Variants in LRRC75A observed in about 807,000 individuals in gnomAD.
The protein encoded by LRRC75A is leucine-rich repeat-containing protein 75A.
In LRRC75A, 12 loss-of-function variants were observed where a neutral mutation model predicts 26.0. The ratio of observed to expected loss-of-function variants is 0.46; its 90% CI spans 0.30 to 0.75. LRRC75A has a LOEUF of 0.75. LRRC75A is among the 30% of genes least tolerant of loss of function. The probability of loss-of-function intolerance (pLI) is 0.08; values close to 1 mark genes in which losing one functional copy is unlikely to be tolerated. For missense variants in LRRC75A, 410 were observed against 486.6 expected (o/e 0.84, Z 1.48); for synonymous variants, 223 against 219.3 (o/e 1.02, Z -0.15).
chr17:16,460,268 G>C (rs2093717438), intron 2 of LRRC75A, among the ~76,000 whole-genome samples: 1 of 152,156 alleles, frequency 6.6e-6, no homozygotes, highest in Non-Finnish European at 1.5e-5. Flanking sequence ...AAGCCACCCA[G>C]TCTACGATAA....
intron 1 of LRRC75A, among the ~76,000 whole-genome samples, chr17:16,482,850 T>C (rs1431521462): frequency 6.6e-6 from 1 of 152,246 alleles, no homozygotes; most frequent in African/African-American, 2.4e-5. Context: ...CAGGGACGTA[T>C]GCTGAGTGAA....
chr17:16,443,511 A>G lies in LRRC75A; in HGVS notation c.*77T>C, dbSNP rs2093551810. 8 of 1,349,142 alleles carry G rather than the reference A, an allele frequency of 5.9e-6. No individual in the cohort carries two copies. In the South Asian group the frequency reaches 1.2e-4, roughly 21 times the overall value. 83.6% of individuals were successfully genotyped at this position (1,349,142 alleles called of 1,614,324 possible). On this transcript the variant is annotated 3_prime_UTR_variant, in exon 4 of 4. Coordinates refer to ENST00000470794, the MANE Select transcript of LRRC75A (RefSeq NM_001113567.3). Reference sequence around the variant, plus strand: ...TGGCAATATCCTTAACCCACCTGATAGGAGAAGCGCCCTCCCCTGCCTGCC... The same window carrying G: ...TGGCAATATCCTTAACCCACCTGATGGGAGAAGCGCCCTCCCCTGCCTGCC...
At chr17:16,454,070 T>C (rs2093656810) in intron 2 of LRRC75A, among the ~76,000 whole-genome samples, 1 of 152,184 alleles carries the variant, frequency 6.6e-6, no homozygotes, top group Admixed American at 6.5e-5. Context: ...TACAAGCTTG[T>C]GCACTCTTTA....
At chr17:16,451,899 C>G (rs2093634180) in intron 2 of LRRC75A, among the ~76,000 whole-genome samples, 1 of 146,758 alleles carries the variant, frequency 6.8e-6, no homozygotes, top group African/African-American at 2.5e-5. Flanking sequence ...CGCCCGCCAA[C>G]ATGCCCGGCT....
At position 16,444,014 on chromosome 17, in the gene LRRC75A, C is replaced by T. The variant is rs1385027190; in HGVS notation, c.609G>A (p.Gln203=). The part of the protein sequence containing the change: ...VTSYLQRCGE[Q]VDSVELGFTG... ...TGAAGCCCAGCTCCACGCTGTCTAC[C>T]TGCTCCCCACAGCGCTGTAGGTAGC... The change falls in exon 4 of 4, where the codon CAG becomes CAA. Residue 203 remains glutamine, a synonymous_variant. Coordinates refer to ENST00000470794, the MANE Select transcript of LRRC75A (RefSeq NM_001113567.3). 1 of 1,613,956 alleles carries T rather than the reference C, an allele frequency of 6.2e-7. No homozygotes were observed. Among genetic ancestry groups the T allele is most frequent in the South Asian group, 1.1e-5 (1 of 91,072 alleles).
At chr17:16,480,579 A>T (rs2093831265) in intron 1 of LRRC75A, among the ~76,000 whole-genome samples, 1 of 147,052 alleles carries the variant, frequency 6.8e-6, no homozygotes, top group African/African-American at 2.6e-5. Context: ...CAGTGAGCTG[A>T]GATTGCACCA....
chr17:16,473,593 G>A lies in LRRC75A; in HGVS notation c.247-11207C>T, dbSNP rs1367484360. 2.0e-5 allele frequency among the ~76,000 whole-genome samples: 3 copies of A among 152,192 alleles called. No homozygotes were observed. The South Asian group carries it at 6.2e-4, about 32-fold the overall frequency. ...AGATGCTGCCAGGGAGGGCTGCTCT[G>A]CAGAGGTCTGAGCCAAGAAACTGCT... is the stretch of plus-strand genomic sequence containing the variant. On this transcript the variant is annotated intron_variant, in intron 1 of 3. Transcript: ENST00000470794.
intron 1 of LRRC75A, among the ~76,000 whole-genome samples, chr17:16,476,917 T>C (rs1235335146): frequency 2.6e-5 from 4 of 151,856 alleles, no homozygotes; most frequent in South Asian, 2.1e-4. Flanking sequence ...TTTTTGTATT[T>C]TTAGTAGAGA....
intron 1 of LRRC75A, among the ~76,000 whole-genome samples, chr17:16,482,843 G>T (rs772718245): frequency 4.6e-5 from 7 of 152,226 alleles, no homozygotes; most frequent in Non-Finnish European, 1.0e-4. Context: ...AGGTGCCCAG[G>T]GACGTATGCT....
At chr17:16,455,192 C>G (rs2093667210) in intron 2 of LRRC75A, among the ~76,000 whole-genome samples, 1 of 152,170 alleles carries the variant, frequency 6.6e-6, no homozygotes, top group African/African-American at 2.4e-5. Flanking sequence ...CTCGGCCTCC[C>G]AAAGTGCTGG....
At chr17:16,468,464 G>A (rs1158183235) in intron 1 of LRRC75A, among the ~76,000 whole-genome samples, 1 of 152,168 alleles carries the variant, frequency 6.6e-6, no homozygotes, top group African/African-American at 2.4e-5. Context: ...AGACACAAAA[G>A]GACAAATACT....
intron 1 of LRRC75A, among the ~76,000 whole-genome samples, chr17:16,465,800 C>T (rs941655517): frequency 6.6e-6 from 1 of 152,238 alleles, no homozygotes; most frequent in South Asian, 2.1e-4. Context: ...GTGGCTCTGC[C>T]TCTCTGGAGC....
At position 16,442,498 on chromosome 17, in the gene LRRC75A, G is replaced by A. The variant is rs527650814; in HGVS notation, c.*1090C>T. 1 of 152,316 alleles carries A rather than the reference G, an allele frequency of 6.6e-6. No individual in the cohort carries two copies. Among genetic ancestry groups the A allele is most frequent in the East Asian group, 1.9e-4 (1 of 5,190 alleles). 9.4% of individuals were successfully genotyped at this position (152,316 alleles called of 1,614,324 possible). A position where few individuals can be genotyped will look rare whatever the true frequency, so the allele number is the denominator to read the frequency against. On this transcript the variant is annotated 3_prime_UTR_variant, in exon 4 of 4. Coordinates refer to ENST00000470794, the MANE Select transcript of LRRC75A (RefSeq NM_001113567.3). ...CTTAACTGGTAGGGCCCTTTCAGTA[G>A]GACAGTATTTGGGTAAGGGGAGGGT...
intron 1 of LRRC75A, among the ~76,000 whole-genome samples, chr17:16,473,791 C>A (rs561188036): frequency 5.3e-4 from 81 of 152,206 alleles, no homozygotes; most frequent in Non-Finnish European, 1.0e-3. Flanking sequence ...AAGCCAGGCA[C>A]CCCGGCAGGC....
intron 1 of LRRC75A, among the ~76,000 whole-genome samples, chr17:16,490,598 G>A (rs565317492): frequency 1.8e-4 from 27 of 152,046 alleles, no homozygotes; most frequent in Non-Finnish European, 3.4e-4. Flanking sequence ...GGGTAAGAGC[G>A]CACCAGATAC....
intron 2 of LRRC75A, among the ~76,000 whole-genome samples, chr17:16,449,821 T>C (rs2093616382): frequency 6.6e-6 from 1 of 152,184 alleles, no homozygotes; most frequent in Non-Finnish European, 1.5e-5. Context: ...TTCACCATGT[T>C]GGTCAGGCTG....
chr17:16,451,329 G>C lies in LRRC75A; in HGVS notation c.376-3369C>G, dbSNP rs528648174. On this transcript the variant is annotated intron_variant, in intron 2 of 3. Transcript: ENST00000470794. ...GGGAGCCGACCTTAGAGCTCAAAGGGAGAATAGGGGCCAGGCACGGTGGCT... is the reference window on the plus strand; with the variant it reads ...GGGAGCCGACCTTAGAGCTCAAAGGCAGAATAGGGGCCAGGCACGGTGGCT... Among the ~76,000 whole-genome samples, 271 of 152,202 alleles carry C rather than the reference G, an allele frequency of 1.8e-3. 1 individual carries two copies. Among genetic ancestry groups the C allele is most frequent in the African/African-American group, 6.0e-3 (248 of 41,526 alleles).
chr17:16,457,260 T>C (rs2093692849), intron 2 of LRRC75A, among the ~76,000 whole-genome samples: 2 of 152,234 alleles, frequency 1.3e-5, no homozygotes, highest in African/African-American at 4.8e-5. Flanking sequence ...AAATGTTGAC[T>C]GTCCCCCTCA....
chr17:16,444,055 G>A lies in LRRC75A; in HGVS notation c.568C>T (p.Leu190=), dbSNP rs773727930. ...TGTAGGTAGCTGGTCACCCGCTCCA[G>A]GTCTCGGGAGGTCAGTGGGATTCCC... is the stretch of plus-strand genomic sequence containing the variant. ...LSGIPLTSRD[L]ERVTSYLQRC... The change falls in exon 4 of 4, where the codon CTG becomes TTG. Residue 190 remains leucine, a synonymous_variant. Coordinates refer to ENST00000470794, the MANE Select transcript of LRRC75A (RefSeq NM_001113567.3). 1 of 1,613,152 alleles carries A rather than the reference G, an allele frequency of 6.2e-7. No individual in the cohort carries two copies. Among genetic ancestry groups the A allele is most frequent in the Admixed American group, 1.7e-5 (1 of 59,814 alleles).
Sources: allele counts gnomAD v4.1 joint callset (sites outside exome capture counted in the v4.1 genomes callset), GRCh38; gene constraint gnomAD v4.1.1; transcripts MANE v1.5; gene names NCBI Gene and HGNC (gene_info 2026-07-23, HGNC 2026-07-21).